Variants in PTPRD observed in about 807,000 individuals in gnomAD.
PTPRD encodes the protein receptor-type tyrosine-protein phosphatase delta.
PTPRD carries 34 observed loss-of-function variants against 214.5 expected under a neutral mutation model. The ratio of observed to expected loss-of-function variants is 0.16; its 90% CI spans 0.12 to 0.21. The LOEUF (loss-of-function observed/expected upper bound fraction) is 0.21. PTPRD is among the 10% of genes least tolerant of loss of function. PTPRD has a pLI of 1.00. For missense variants in PTPRD, 2,545 were observed against 2,398.7 expected (o/e 1.06, Z -1.27); for synonymous variants, 1,128 against 845.7 (o/e 1.33, Z -5.79).
At chr9:10,077,048 C>T (rs1218159507) in intron 3 of PTPRD, among the ~76,000 whole-genome samples, 2 of 152,116 alleles carry the variant, frequency 1.3e-5, no homozygotes, top group Non-Finnish European at 2.9e-5. Flanking sequence ...ACATTACATC[C>T]GGAGACTTAC....
rs111809171 is a variant in PTPRD, at chr9:10,197,563, C to T, written c.-545+143400G>A. Among the ~76,000 whole-genome samples the T allele has an allele frequency of 2.3e-3, 346 of 152,188 alleles. 1 individual carries two copies. The highest frequency in any genetic ancestry group is 7.8e-3 in the African/African-American group (324 of 41,540). On this transcript the variant is annotated intron_variant, in intron 3 of 45. Coordinates refer to ENST00000381196, the MANE Select transcript of PTPRD (RefSeq NM_002839.4). The stretch of plus-strand genomic sequence containing the variant: ...ATATCTCTGTAAGAAATAAGAGGTA[C>T]GTTTTGACTGTCTTTACATTGAACA...
intron 10 of PTPRD, among the ~76,000 whole-genome samples, chr9:9,102,516 G>C (rs753819261): frequency 5.9e-5 from 9 of 152,200 alleles, no homozygotes; most frequent in Non-Finnish European, 8.8e-5. Context: ...ATGTAAGCCA[G>C]ATTTGCTCCA....
intron 9 of PTPRD, among the ~76,000 whole-genome samples, chr9:9,275,717 G>A (rs1945347284): frequency 6.6e-6 from 1 of 151,214 alleles, no homozygotes; most frequent in African/African-American, 2.4e-5. Flanking sequence ...GTATTCAAAT[G>A]ACTCATCTGT....
intron 35 of PTPRD, among the ~76,000 whole-genome samples, chr9:8,410,942 A>C (rs1476694511): frequency 6.6e-6 from 1 of 152,190 alleles, no homozygotes; most frequent in African/African-American, 2.4e-5. Flanking sequence ...AACTTTTGAT[A>C]AACAATTTAT....
intron 3 of PTPRD, among the ~76,000 whole-genome samples, chr9:10,319,775 G>C (rs1053427996): frequency 1.3e-5 from 2 of 151,944 alleles, no homozygotes; most frequent in Non-Finnish European, 2.9e-5. Flanking sequence ...TACTTAAAGA[G>C]AGATCACGAG....
At chr9:9,395,126 C>G (rs537692500) in intron 9 of PTPRD, among the ~76,000 whole-genome samples, 1 of 151,638 alleles carries the variant, frequency 6.6e-6, no homozygotes, top group African/African-American at 2.4e-5. Context: ...CCTTCCTCCC[C>G]TCATCCATAG....
intron 33 of PTPRD, among the ~76,000 whole-genome samples, chr9:8,457,708 T>G (rs951477478): frequency 2.0e-5 from 3 of 152,106 alleles, no homozygotes. Context: ...AAGTGGATTA[T>G]CAATATAATG....
intron 11 of PTPRD, among the ~76,000 whole-genome samples, chr9:8,991,214 G>A: frequency 7.4e-6 from 1 of 136,006 alleles, no homozygotes. Context: ...GTGACACTCT[G>A]TCTCAAAAAA....
chr9:8,630,229 A>G (rs576070924), intron 14 of PTPRD, among the ~76,000 whole-genome samples: 1 of 151,894 alleles, frequency 6.6e-6, no homozygotes, highest in Non-Finnish European at 1.5e-5. Flanking sequence ...AAAGTGTAAA[A>G]TGGTCTCCAT....
At chr9:9,758,734 G>A (rs767359739) in intron 6 of PTPRD, among the ~76,000 whole-genome samples, 81 of 150,690 alleles carry the variant, frequency 5.4e-4, no homozygotes, top group Non-Finnish European at 8.1e-4. Context: ...TTCCCTCATC[G>A]CCACCCACCC....
Position 8,486,284 on chromosome 9 carries a change from G to A in PTPRD, c.2533C>T (p.Pro845Ser), listed in dbSNP as rs61733192. The change falls in exon 28 of 46, where the codon CCT (proline) becomes TCT (serine). Residue 845 changes from proline (P) to serine (S), a missense_variant. Transcript: ENST00000381196. ...AGAGGTCCAAATGTGTCCACCGGAG[G>A]GTGCCACTGAATAAGAGCAGTATTC... ...QMNTALIQWH[P>S]PVDTFGPLQG... 142 of 1,614,178 alleles carry A rather than the reference G, an allele frequency of 8.8e-5. No individual in the cohort carries two copies. The Middle Eastern group carries it at 9.9e-4, about 11-fold the overall frequency.
intron 3 of PTPRD, among the ~76,000 whole-genome samples, chr9:10,220,259 T>C (rs2099563521): frequency 6.6e-6 from 1 of 152,044 alleles, no homozygotes; most frequent in African/African-American, 2.4e-5. Context: ...TACTAATATT[T>C]ATACTTACTA....
intron 14 of PTPRD, among the ~76,000 whole-genome samples, chr9:8,630,235 T>C (rs1031617825): frequency 1.4e-4 from 21 of 151,784 alleles, no homozygotes; most frequent in Non-Finnish European, 2.9e-4. Flanking sequence ...TAAAATGGTC[T>C]CCATCTACTG....
intron 3 of PTPRD, among the ~76,000 whole-genome samples, chr9:10,061,766 T>C (rs1302870856): frequency 6.6e-6 from 1 of 152,118 alleles, no homozygotes; most frequent in Non-Finnish European, 1.5e-5. Context: ...GATGTTAGAA[T>C]GAACATCTTT....
intron 11 of PTPRD, among the ~76,000 whole-genome samples, chr9:8,773,039 C>T (rs2095302512): frequency 6.6e-6 from 1 of 152,132 alleles, no homozygotes; most frequent in Non-Finnish European, 1.5e-5. Context: ...CTATGAATTA[C>T]TCTATGAATG....
At chr9:9,758,800 A>G (rs1415697166) in intron 6 of PTPRD, among the ~76,000 whole-genome samples, 6 of 142,888 alleles carry the variant, frequency 4.2e-5, no homozygotes, top group Non-Finnish European at 9.0e-5. Context: ...CTGGAACATC[A>G]AGTCTCTCTT....
chr9:9,238,479 G>A (rs997043272), intron 9 of PTPRD, among the ~76,000 whole-genome samples: 2 of 152,064 alleles, frequency 1.3e-5, no homozygotes, highest in Non-Finnish European at 2.9e-5. Flanking sequence ...ACTTAAGTGA[G>A]GAAGGCCTCG....
chr9:9,695,414 G>A lies in PTPRD; in HGVS notation c.-287+39119C>T, dbSNP rs550691152. 3.3e-5 allele frequency among the ~76,000 whole-genome samples: 5 copies of A among 152,284 alleles called. No individual in the cohort carries two copies. In the South Asian group the frequency reaches 1.0e-3, roughly 32 times the overall value. On this transcript the variant is annotated intron_variant, in intron 7 of 45. Transcript: ENST00000381196. The stretch of plus-strand genomic sequence containing the variant: ...CTGGGTTGCCTGAAGTTGGGGGAAG[G>A]ATTGTGCAAACCCTCTCTTAGCTGT...
At chr9:10,205,285 A>G (rs2099464812) in intron 3 of PTPRD, among the ~76,000 whole-genome samples, 1 of 152,040 alleles carries the variant, frequency 6.6e-6, no homozygotes, top group Admixed American at 6.6e-5. Context: ...AACATAAATG[A>G]ACAGAAAATT....
Sources: gnomAD v4.1 joint callset for allele counts (sites outside exome capture counted in the v4.1 genomes callset) on GRCh38, gnomAD v4.1.1 for gene constraint, MANE v1.5 for transcripts, NCBI Gene and HGNC (gene_info 2026-07-23, HGNC 2026-07-21) for gene names.